The following FBXL7 variants were observed in gnomAD, a reference collection of about 807,000 sequenced individuals.
The protein encoded by FBXL7 is F-box and leucine rich repeat protein 7, also known as F-box/LRR-repeat protein 7.
FBXL7 carries 12 observed loss-of-function variants against 38.3 expected under a neutral mutation model. That is an observed-to-expected ratio of 0.31 (90% CI 0.20 to 0.51). The LOEUF (loss-of-function observed/expected upper bound fraction) is 0.51, where lower values mean the gene tolerates loss of function less well. Among genes scored for constraint, FBXL7 ranks in the 20% least tolerant of loss-of-function variants. The probability of loss-of-function intolerance (pLI) is 0.98; values close to 1 mark genes in which losing one functional copy is unlikely to be tolerated. For synonymous variants in FBXL7, 297 were observed against 300.9 expected (o/e 0.99, Z 0.13); for missense variants, 567 against 676.4 (o/e 0.84, Z 1.79).
At chr5:15,870,975 C>T (rs1739930655) in intron 2 of FBXL7, among the ~76,000 whole-genome samples, 2 of 152,358 alleles carry the variant, frequency 1.3e-5, no homozygotes, top group East Asian at 3.9e-4. Context: ...GGACAGACTG[C>T]CTCCTCAAGT....
At chr5:15,933,680 A>G (rs1377896041) in intron 3 of FBXL7, among the ~76,000 whole-genome samples, 2 of 152,086 alleles carry the variant, frequency 1.3e-5, no homozygotes, top group East Asian at 3.9e-4. Flanking sequence ...AAATTCTTTG[A>G]CTTAGTAGCA....
chr5:15,870,959 G>A (rs535399937), intron 2 of FBXL7, among the ~76,000 whole-genome samples: 2 of 152,336 alleles, frequency 1.3e-5, no homozygotes, highest in Admixed American at 1.3e-4. Context: ...TTCAAGCTCT[G>A]CTAAGGGACA....
At chr5:15,601,328 T>G (rs1412548688) in intron 1 of FBXL7, among the ~76,000 whole-genome samples, 1 of 152,198 alleles carries the variant, frequency 6.6e-6, no homozygotes, top group Non-Finnish European at 1.5e-5. Context: ...AAAATGACTT[T>G]TGATTGATTT....
At position 15,543,135 on chromosome 5, in the gene FBXL7, T is replaced by C. The variant is rs1034919303; in HGVS notation, c.37+42422T>C. Among the ~76,000 whole-genome samples the C allele has an allele frequency of 4.6e-5, 7 of 152,190 alleles. 1 individual carries two copies. The highest frequency in any genetic ancestry group is 1.3e-4 in the Admixed American group (2 of 15,282). On this transcript the variant is annotated intron_variant, in intron 1 of 3. Transcript: ENST00000504595. Reference sequence around the variant, plus strand: ...TCAGTGTATTAGTCTGTTCTCATGCTGCTAATAAAGACATACCTGAGACTG... The same window carrying C: ...TCAGTGTATTAGTCTGTTCTCATGCCGCTAATAAAGACATACCTGAGACTG...
chr5:15,913,325 AG>A (rs1034021103), intron 2 of FBXL7, among the ~76,000 whole-genome samples: 2 of 150,386 alleles, frequency 1.3e-5, no homozygotes, highest in African/African-American at 4.9e-5. Flanking sequence ...TGTGCAGGTT[AG>A]TTACATATGT....
chr5:15,565,838 G>A (rs772752093), intron 1 of FBXL7, among the ~76,000 whole-genome samples: 8 of 151,946 alleles, frequency 5.3e-5, no homozygotes, highest in African/African-American at 9.7e-5. Context: ...CTTCTATTCC[G>A]GCCTTCAACT....
chr5:15,617,311 AC>A (rs1394258385), intron 2 of FBXL7, among the ~76,000 whole-genome samples: 1 of 152,196 alleles, frequency 6.6e-6, no homozygotes, highest in African/African-American at 2.4e-5. Context: ...GTATGGAAGC[AC>A]CAGGTAGCAA....
chr5:15,620,510 A>G (rs1299522042), intron 2 of FBXL7, among the ~76,000 whole-genome samples: 1 of 151,360 alleles, frequency 6.6e-6, no homozygotes, highest in Non-Finnish European at 1.5e-5. Flanking sequence ...TCGGCCTCCT[A>G]AAGTGCTGTT....
intron 3 of FBXL7, among the ~76,000 whole-genome samples, chr5:15,931,188 G>A (rs1177685401): frequency 2.6e-5 from 4 of 152,074 alleles, no homozygotes; most frequent in African/African-American, 9.7e-5. Flanking sequence ...AAACATCATT[G>A]CACTATATTG....
intron 2 of FBXL7, among the ~76,000 whole-genome samples, chr5:15,895,530 A>C (rs912231541): frequency 2.0e-5 from 3 of 151,876 alleles, no homozygotes; most frequent in African/African-American, 7.3e-5. Context: ...CACTTAGTGA[A>C]TATTTCATTT....
rs546877054 is a variant in FBXL7, at chr5:15,766,740, T to C, written c.127+150668T>C. ...GACTTTCCTATCTACTTATTTTGTC[T>C]CAGATTTGATTTTGATTTTTCTCTG... is the stretch of plus-strand genomic sequence containing the variant. On this transcript the variant is annotated intron_variant, in intron 2 of 3. Transcript: ENST00000504595. Among the ~76,000 whole-genome samples the C allele has an allele frequency of 2.5e-3, 374 of 152,348 alleles. 1 individual carries two copies. Among genetic ancestry groups the C allele is most frequent in the African/African-American group, 8.5e-3 (352 of 41,570 alleles).
chr5:15,855,508 T>C (rs553305769), intron 2 of FBXL7, among the ~76,000 whole-genome samples: 2 of 152,288 alleles, frequency 1.3e-5, no homozygotes, highest in South Asian at 2.1e-4. Context: ...TTAGGTCATA[T>C]ATTTTCTTGT....
At chr5:15,577,627 TGTGTGTG>T (rs1366401260) in intron 1 of FBXL7, among the ~76,000 whole-genome samples, 1 of 151,322 alleles carries the variant, frequency 6.6e-6, no homozygotes, top group Non-Finnish European at 1.5e-5. Flanking sequence ...TGTGTGTGTG[TGTGTGTG>T]TGTCTATTTA....
At chr5:15,543,847 C>CGGGA (rs887722734) in intron 1 of FBXL7, among the ~76,000 whole-genome samples, 12 of 152,182 alleles carry the variant, frequency 7.9e-5, no homozygotes, top group African/African-American at 2.6e-4. Context: ...TAAATAGGCC[C>CGGGA]GGGAAATAAA....
At chr5:15,680,054 A>C (rs1454473530) in intron 2 of FBXL7, among the ~76,000 whole-genome samples, 1 of 152,182 alleles carries the variant, frequency 6.6e-6, no homozygotes, top group African/African-American at 2.4e-5. Context: ...TTGTCAATGA[A>C]ACAAGTATCT....
rs1579618776 is a variant in FBXL7 at position 15,937,502 on chromosome 5, G to T, written c.*316G>T. 4.0e-6 allele frequency: 1 copy of T among 248,442 alleles called. No homozygotes were observed. The highest frequency in any genetic ancestry group is 9.4e-5 in the East Asian group (1 of 10,672). 15.4% of individuals were successfully genotyped at this position (248,442 alleles called of 1,614,324 possible). On this transcript the variant is annotated 3_prime_UTR_variant, in exon 4 of 4. Coordinates refer to ENST00000504595, the MANE Select transcript of FBXL7 (RefSeq NM_012304.5). ...ACTCTCCTCCGCTCAGGCCCCCAAG[G>T]CCGCCCTTTCCCTCGCACACAGGCC...
intron 2 of FBXL7, among the ~76,000 whole-genome samples, chr5:15,856,340 G>A (rs747678873): frequency 5.1e-4 from 77 of 152,190 alleles, no homozygotes; most frequent in Non-Finnish European, 9.6e-4. Context: ...TTCAAGATGA[G>A]ATTTGGGTGG....
chr5:15,913,624 C>T (rs1324278486), intron 2 of FBXL7, among the ~76,000 whole-genome samples: 1 of 152,024 alleles, frequency 6.6e-6, no homozygotes, highest in Non-Finnish European at 1.5e-5. Flanking sequence ...AAGATGTAAA[C>T]GTTGGAATTT....
intron 2 of FBXL7, among the ~76,000 whole-genome samples, chr5:15,741,923 G>A (rs1735903449): frequency 6.6e-6 from 1 of 152,074 alleles, no homozygotes. Context: ...CCATGTCCCT[G>A]GCCTCGGGTG....
Sources: allele counts gnomAD v4.1 joint callset (sites outside exome capture counted in the v4.1 genomes callset), GRCh38; gene constraint gnomAD v4.1.1; transcripts MANE v1.5; gene names NCBI Gene and HGNC (gene_info 2026-07-23, HGNC 2026-07-21).